Variants in EXOC6B observed in about 807,000 individuals in gnomAD.
EXOC6B encodes SEC15 homolog B.
In EXOC6B, 54 loss-of-function variants were observed where a neutral mutation model predicts 113.5. That is an observed-to-expected ratio of 0.48 (90% confidence interval 0.38 to 0.60). The LOEUF is 0.60. Among genes scored for constraint, EXOC6B ranks in the 20% least tolerant of loss-of-function variants. EXOC6B has a pLI of 0.00. For missense variants in EXOC6B, 797 were observed against 977.5 expected (o/e 0.82, Z 2.46); for synonymous variants, 357 against 339.0 (o/e 1.05, Z -0.58).
intron 20 of EXOC6B, among the ~76,000 whole-genome samples, chr2:72,242,186 T>A (rs1682355467): frequency 6.6e-6 from 1 of 152,088 alleles, no homozygotes. Flanking sequence ...AACAAGACTC[T>A]GTCAAAGAAA....
At chr2:72,631,700 T>G (rs1220629097) in intron 6 of EXOC6B, among the ~76,000 whole-genome samples, 2 of 151,830 alleles carry the variant, frequency 1.3e-5, no homozygotes, top group Non-Finnish European at 2.9e-5. Flanking sequence ...AAATGGGGTT[T>G]CGCCATGTTG....
At chr2:72,595,826 A>C (rs961021335) in intron 6 of EXOC6B, among the ~76,000 whole-genome samples, 1 of 152,220 alleles carries the variant, frequency 6.6e-6, no homozygotes, top group Admixed American at 6.5e-5. Flanking sequence ...GAAAAGAACA[A>C]GCAGAATATA....
chr2:72,681,117 T>C (rs1676669733), intron 6 of EXOC6B, among the ~76,000 whole-genome samples: 1 of 152,202 alleles, frequency 6.6e-6, no homozygotes, highest in South Asian at 2.1e-4. Flanking sequence ...TAATTTAATA[T>C]ATAAAGTCTA....
chr2:72,702,258 T>A (rs1678415780), intron 6 of EXOC6B, among the ~76,000 whole-genome samples: 1 of 151,342 alleles, frequency 6.6e-6, no homozygotes, highest in African/African-American at 2.4e-5. Flanking sequence ...AACTCATCAT[T>A]TTTTATGGCT....
intron 2 of EXOC6B, among the ~76,000 whole-genome samples, chr2:72,739,050 A>T (rs937491245): frequency 6.6e-6 from 1 of 152,228 alleles, no homozygotes; most frequent in East Asian, 1.9e-4. Context: ...AATCAGCTTT[A>T]TACATTAAGC....
At chr2:72,708,794 A>G (rs1173769718) in intron 6 of EXOC6B, among the ~76,000 whole-genome samples, 1 of 152,012 alleles carries the variant, frequency 6.6e-6, no homozygotes, top group Non-Finnish European at 1.5e-5. Context: ...CACTGCTGCA[A>G]TCACAGCTCA....
chr2:72,692,024 T>A (rs569541469), intron 6 of EXOC6B, among the ~76,000 whole-genome samples: 1 of 152,174 alleles, frequency 6.6e-6, no homozygotes, highest in South Asian at 2.1e-4. Flanking sequence ...AATACCACCA[T>A]CTGACATACT....
At chr2:72,548,648 G>A (rs570859296) in intron 8 of EXOC6B, among the ~76,000 whole-genome samples, 68 of 152,124 alleles carry the variant, frequency 4.5e-4, no homozygotes, top group African/African-American at 1.6e-3. Flanking sequence ...AGTAATTATC[G>A]TTCAAAATCA....
At chr2:72,294,081 A>T (rs905086778) in intron 20 of EXOC6B, among the ~76,000 whole-genome samples, 1 of 152,010 alleles carries the variant, frequency 6.6e-6, no homozygotes, top group Admixed American at 6.6e-5. Flanking sequence ...AACCAGTGAA[A>T]AAAAAAAAAC....
At chr2:72,705,697 G>C (rs75251015) in intron 6 of EXOC6B, among the ~76,000 whole-genome samples, 1,998 of 151,476 alleles carry the variant, frequency 0.013, 26 homozygotes, top group Non-Finnish European at 0.02. Flanking sequence ...TTCCTCCTCT[G>C]CACACACACT....
chr2:72,333,188 A>T (rs1688503871), intron 20 of EXOC6B, among the ~76,000 whole-genome samples: 1 of 152,146 alleles, frequency 6.6e-6, no homozygotes, highest in African/African-American at 2.4e-5. Context: ...TGTAATAGAA[A>T]ATAGGAACTT....
intron 1 of EXOC6B, among the ~76,000 whole-genome samples, chr2:72,772,907 GA>G (rs1170386757): frequency 6.6e-6 from 1 of 151,606 alleles, no homozygotes; most frequent in Non-Finnish European, 1.5e-5. Flanking sequence ...CCCACCCAAG[GA>G]ACAAAATAAA....
rs139597636 is a variant in EXOC6B at position 72,574,001 on chromosome 2, A to T, written c.846+1491T>A. 5.5e-3 allele frequency among the ~76,000 whole-genome samples: 839 copies of T among 151,606 alleles called. 7 individuals are homozygous for T. Among genetic ancestry groups the T allele is most frequent in the African/African-American group, 0.02 (811 of 41,294 alleles). On this transcript the variant is annotated intron_variant, in intron 7 of 21. Coordinates refer to ENST00000272427, the MANE Select transcript of EXOC6B (RefSeq NM_015189.3). ...CATGGTGGCGGGCGCCTGTAGTCCC[A>T]GTTTCTGGGTAGGCTGAGGCAGGAG...
intron 1 of EXOC6B, among the ~76,000 whole-genome samples, chr2:72,818,602 T>C (rs1376436143): frequency 6.6e-6 from 1 of 152,176 alleles, no homozygotes; most frequent in Non-Finnish European, 1.5e-5. Flanking sequence ...GCCACATTCC[T>C]TGTTTAATCT....
At chr2:72,524,467 G>A (rs1701661662) in intron 8 of EXOC6B, among the ~76,000 whole-genome samples, 1 of 152,118 alleles carries the variant, frequency 6.6e-6, no homozygotes, top group Admixed American at 6.5e-5. Flanking sequence ...GATGGTATGT[G>A]TCACAGCTCC....
At chr2:72,179,832 T>A (rs1381743891) in intron 21 of EXOC6B, among the ~76,000 whole-genome samples, 1 of 152,200 alleles carries the variant, frequency 6.6e-6, no homozygotes, top group Non-Finnish European at 1.5e-5. Context: ...ATGTCTAGGA[T>A]CCACTCATTA....
chr2:72,456,319 C>G (rs1486086158), intron 18 of EXOC6B, among the ~76,000 whole-genome samples: 2 of 152,078 alleles, frequency 1.3e-5, no homozygotes, highest in South Asian at 2.1e-4. Context: ...CTTCTCTTTT[C>G]TATAATTAAA....
chr2:72,413,143 A>G (rs1395338048), intron 18 of EXOC6B, among the ~76,000 whole-genome samples: 1 of 151,692 alleles, frequency 6.6e-6, no homozygotes, highest in East Asian at 2.0e-4. Context: ...TTGTATTTTT[A>G]GTAGAGACGG....
At chr2:72,354,888 A>C (rs559785289) in intron 19 of EXOC6B, among the ~76,000 whole-genome samples, 31 of 152,356 alleles carry the variant, frequency 2.0e-4, no homozygotes, top group African/African-American at 7.2e-4. Context: ...TGATGACAAA[A>C]AGATTTGCAG....
Sources: gnomAD v4.1 joint callset for allele counts (sites outside exome capture counted in the v4.1 genomes callset) on GRCh38, gnomAD v4.1.1 for gene constraint, MANE v1.5 for transcripts, NCBI Gene and HGNC (gene_info 2026-07-23, HGNC 2026-07-21) for gene names.